The following MOK variants were observed in gnomAD, a reference collection of about 807,000 sequenced individuals.
The protein encoded by MOK is MAPK/MAK/MRK overlapping kinase.
A neutral mutation model predicts 54.2 loss-of-function variants in MOK; 59 were observed. The observed-to-expected ratio is 1.09, with a 90% CI of 0.88 to 1.35. The LOEUF (loss-of-function observed/expected upper bound fraction) is 1.35. Among genes scored for constraint, MOK ranks in the 40% most tolerant of loss-of-function variants. MOK has a pLI of 0.00. For missense variants in MOK, 517 were observed against 526.2 expected (o/e 0.98, Z 0.17); for synonymous variants, 210 against 202.7 (o/e 1.04, Z -0.31).
intron 1 of MOK, among the ~76,000 whole-genome samples, chr14:102,300,984 A>G (rs2072126200): frequency 6.6e-6 from 1 of 152,106 alleles, no homozygotes; most frequent in South Asian, 2.1e-4. Context: ...AATCCCAGCT[A>G]CTCAGGAGGC....
At chr14:102,250,723 T>C (rs557161162) in intron 7 of MOK, 89 bp downstream of exon 7, 1 of 1,232,046 alleles carries the variant, frequency 8.1e-7, no homozygotes, top group South Asian at 1.5e-5. Context: ...AGAATGACCA[T>C]GACATCTGGA....
At chr14:102,261,394 AAAAAAAAAAAAAAAAAAAAAAAAAAT>A (rs1177033135) in intron 4 of MOK, among the ~76,000 whole-genome samples, 1 of 60,806 alleles carries the variant, frequency 1.6e-5, no homozygotes, top group African/African-American at 7.7e-5. Context: ...TCAAAAAAAA[AAAAAAAAAAAAAAAAAAAAAAAAAAT>A]ATATATATAT....
intron 3 of MOK, among the ~76,000 whole-genome samples, chr14:102,265,607 C>T (rs114551692): frequency 6.6e-6 from 1 of 151,660 alleles, no homozygotes; most frequent in Non-Finnish European, 1.5e-5. Flanking sequence ...CTCCAGCCTG[C>T]ATGACAGAGA....
Position 102,283,479 on chromosome 14 carries a change from T to C in MOK, c.121A>G (p.Ser41Gly), listed in dbSNP as rs751319494. The change falls in exon 2 of 12, where the codon AGT (serine) becomes GGT (glycine). Residue 41 changes from serine to glycine, a missense_variant and splice_region_variant. Ser to Gly is a moderately conservative substitution (Grantham distance 56). Transcript: ENST00000361847. Reference sequence around the variant, plus strand: ...CCCAAGTGCATCTCTGTAGCCTACCTTTCAAAGCGCTGCTTCATTTGTTTA... The same window carrying C: ...CCCAAGTGCATCTCTGTAGCCTACCCTTCAAAGCGCTGCTTCATTTGTTTA... ...ACKQMKQRFE[S>G]IEQVNNLREI... is the part of the protein sequence containing the mutation. 9 of 1,606,594 alleles carry C rather than the reference T, an allele frequency of 5.6e-6. No homozygotes were observed. Among genetic ancestry groups the C allele is most frequent in the Non-Finnish European group, 7.7e-6 (9 of 1,175,848 alleles).
chr14:102,280,542 T>C (rs2153166217), intron 2 of MOK: 1 of 152,248 alleles, frequency 6.6e-6, no homozygotes, highest in African/African-American at 2.4e-5. Context: ...ATCAACTGCT[T>C]TTGAAGTTAA....
Position 102,305,044 on chromosome 14 carries a change from G to A in MOK, c.-76C>T. The A allele has an allele frequency of 6.5e-7, 1 of 1,538,230 alleles. No individual in the cohort carries two copies. Among genetic ancestry groups the A allele is most frequent in the Admixed American group, 1.9e-5 (1 of 52,890 alleles). On this transcript the variant is annotated 5_prime_UTR_variant, in exon 1 of 12. Transcript: ENST00000361847. The stretch of plus-strand genomic sequence containing the variant: ...AAAGAAGCAGGAAGGTTGTCCCCCT[G>A]CTTTCCACTTCCCTGAGGCGGGGTC...
At position 102,288,738 on chromosome 14, in the gene MOK, G is replaced by C. The variant is rs76490985; in HGVS notation, c.8-5146C>G. On this transcript the variant is annotated intron_variant, in intron 1 of 11. Coordinates refer to ENST00000361847, the MANE Select transcript of MOK (RefSeq NM_014226.3). ...CTCCATTAAAACAGACAACTCTGTG[G>C]TGTTGGAAATCAGAAAGTGGTTACC... is the stretch of plus-strand genomic sequence containing the variant. Among the ~76,000 whole-genome samples the C allele has an allele frequency of 7.1e-3, 1,076 of 152,298 alleles. 15 individuals carry two copies. The highest frequency in any genetic ancestry group is 0.024 in the African/African-American group (1,015 of 41,554).
At chr14:102,284,286 G>T (rs1008510667) in intron 1 of MOK, among the ~76,000 whole-genome samples, 2 of 152,004 alleles carry the variant, frequency 1.3e-5, no homozygotes, top group African/African-American at 4.8e-5. Flanking sequence ...TATTGGTCAG[G>T]TGGCAAAATG....
intron 1 of MOK, among the ~76,000 whole-genome samples, chr14:102,297,718 G>A (rs2071598985): frequency 6.6e-6 from 1 of 152,280 alleles, no homozygotes; most frequent in Non-Finnish European, 1.5e-5. Context: ...GGCTGCACGT[G>A]GTGCTTGCGG....
downstream of MOK, among the ~76,000 whole-genome samples, chr14:102,219,600 C>T (rs1299453880): frequency 6.6e-6 from 1 of 152,204 alleles, no homozygotes; most frequent in African/African-American, 2.4e-5. Context: ...ACCGTTTTCC[C>T]CTTTGCTCTG....
the MOK span, chr14:102,215,096 A>G: frequency 1.5e-6 from 1 of 659,582 alleles, no homozygotes; most frequent in Non-Finnish European, 1.9e-6. Context: ...CTGTAAAATT[A>G]AGGACCTTGT....
intron 7 of MOK, chr14:102,234,956 C>T (rs970130930): frequency 1.3e-5 from 2 of 152,482 alleles, no homozygotes; most frequent in African/African-American, 4.8e-5. Context: ...ACCCGACTCA[C>T]CTCCTGCTCC....
At chr14:102,219,649 G>T (rs1212464151), downstream of MOK, among the ~76,000 whole-genome samples, 1 of 152,244 alleles carries the variant, frequency 6.6e-6, no homozygotes, top group African/African-American at 2.4e-5. Context: ...AAGCACCCTG[G>T]GGTCCTCTTG....
At chr14:102,276,739 T>A (rs1021536361) in intron 2 of MOK, among the ~76,000 whole-genome samples, 2 of 147,636 alleles carry the variant, frequency 1.4e-5, no homozygotes, top group African/African-American at 5.0e-5. Flanking sequence ...TGTGGTGAGC[T>A]GAGATCATGC....
intron 1 of MOK, among the ~76,000 whole-genome samples, chr14:102,292,075 G>T (rs1476240927): frequency 2.0e-5 from 3 of 152,080 alleles, no homozygotes; most frequent in Non-Finnish European, 4.4e-5. Context: ...CTAGTCTTGA[G>T]AATTTACAGT....
At chr14:102,283,717 T>C in intron 1 of MOK, 125 bp from the exon 2 acceptor site, 1 of 596,784 alleles carries the variant, frequency 1.7e-6, no homozygotes, top group East Asian at 2.9e-5. Flanking sequence ...TTGTTTCTCC[T>C]ATCTTTGTAA....
rs949599574 is a variant in MOK, at chr14:102,232,035, G to A, written c.867-214C>T. 1.7e-4 allele frequency: 78 copies of A among 458,084 alleles called. No homozygotes were observed. In the East Asian group the frequency reaches 2.2e-3, roughly 13 times the overall value. 28.4% of individuals were successfully genotyped at this position (458,084 alleles called of 1,614,324 possible). On this transcript the variant is annotated intron_variant, in intron 9 of 11. Coordinates refer to ENST00000361847, the MANE Select transcript of MOK (RefSeq NM_014226.3). The surrounding 1 kb of genome is among the most constrained non-coding windows in gnomAD (Gnocchi z 5.1). ...AGAGCTGGCTCCATGAATCAGAAGC[G>A]CTGCCTACCCAGGGACTCGCAGTTT...
intron 4 of MOK, among the ~76,000 whole-genome samples, chr14:102,252,807 A>C (rs79316857): frequency 0.048 from 7,349 of 152,246 alleles, 210 homozygotes; most frequent in African/African-American, 0.078. Context: ...AAAGCATATA[A>C]ATGTATCCCA....
At chr14:102,217,347 C>T in the MOK span, among the ~76,000 whole-genome samples, 434 of 152,332 alleles carry the variant, frequency 2.8e-3, 1 homozygote, top group Non-Finnish European at 4.7e-3. Context: ...CAGATCGCAG[C>T]GGAGCCCTTA....
Sources: gnomAD v4.1 joint callset for allele counts (sites outside exome capture counted in the v4.1 genomes callset) on GRCh38, gnomAD v4.1.1 for gene constraint, Gnocchi (gnomAD v3.1) non-coding constraint, MANE v1.5 for transcripts, NCBI Gene and HGNC (gene_info 2026-07-23, HGNC 2026-07-21) for gene names.